Variants in GPR39 observed in about 807,000 individuals in gnomAD.
GPR39 encodes the protein zinc sensing receptor.
A neutral mutation model predicts 18.4 loss-of-function variants in GPR39; 23 were observed. The observed-to-expected ratio is 1.25, with a 90% CI of 0.90 to 1.77. The LOEUF (loss-of-function observed/expected upper bound fraction) is 1.77, where lower values mean the gene tolerates loss of function less well. Ranked by LOEUF, GPR39 falls within the 40% of genes most tolerant of loss-of-function variation. The pLI is 0.00. For missense variants in GPR39, 647 were observed against 602.4 expected, an observed-to-expected ratio of 1.07 and a Z score of -0.78; for synonymous variants, 280 against 257.9, an observed-to-expected ratio of 1.09 and a Z score of -0.82.
intron 1 of GPR39, among the ~76,000 whole-genome samples, chr2:132,635,995 C>G (rs1269721388): frequency 1.3e-5 from 2 of 152,148 alleles, no homozygotes; most frequent in African/African-American, 4.8e-5. Flanking sequence ...GCCTCTGGAA[C>G]TAGGAGGAAT....
chr2:132,451,443 A>G (rs1015674968), intron 1 of GPR39, among the ~76,000 whole-genome samples: 27 of 152,284 alleles, frequency 1.8e-4, no homozygotes, highest in African/African-American at 6.5e-4. Context: ...AGCCATACCC[A>G]GTGCATATTA....
At position 132,645,264 on chromosome 2, in the gene GPR39, C is replaced by T; in HGVS notation, c.1020C>T (p.Asn340=). 1 of 1,614,202 alleles carries T rather than the reference C, an allele frequency of 6.2e-7. No homozygotes were observed. Among genetic ancestry groups the T allele is most frequent in the Non-Finnish European group, 8.5e-7 (1 of 1,180,030 alleles). ...TTTTCTACCTCAGCTCGGTCATCAA[C>T]CCGCTCCTGTACACGGTGTCCTCGC... is the stretch of plus-strand genomic sequence containing the variant. ...ETFFYLSSVI[N]PLLYTVSSQQ... is the part of the protein sequence containing the mutation. The change falls in exon 2 of 2, where the codon AAC becomes AAT. Residue 340 remains asparagine (N), a synonymous_variant. Transcript: ENST00000329321.
chr2:132,607,525 A>G (rs1434640831), intron 1 of GPR39, among the ~76,000 whole-genome samples: 1 of 152,108 alleles, frequency 6.6e-6, no homozygotes, highest in Admixed American at 6.6e-5. Context: ...ATGCTTGTCT[A>G]TAATTTAGAG....
intron 1 of GPR39, among the ~76,000 whole-genome samples, chr2:132,438,674 A>G (rs1352195117): frequency 6.8e-6 from 1 of 146,162 alleles, no homozygotes; most frequent in African/African-American, 2.5e-5. Context: ...AATATTTACT[A>G]TCTGGCCCTT....
chr2:132,473,882 C>A (rs888149611), intron 1 of GPR39, among the ~76,000 whole-genome samples: 1 of 152,184 alleles, frequency 6.6e-6, no homozygotes, highest in Non-Finnish European at 1.5e-5. Context: ...TTTCAGGGGG[C>A]TGCATTTAGC....
At chr2:132,465,356 G>A (rs1367713180) in intron 1 of GPR39, among the ~76,000 whole-genome samples, 1 of 152,176 alleles carries the variant, frequency 6.6e-6, no homozygotes, top group Non-Finnish European at 1.5e-5. Context: ...AGGAACTCTG[G>A]GGCCTGTAAC....
intron 1 of GPR39, among the ~76,000 whole-genome samples, chr2:132,489,458 C>T (rs1681414562): frequency 1.3e-5 from 2 of 152,008 alleles, no homozygotes; most frequent in African/African-American, 2.4e-5. Context: ...GGGTTCCCTG[C>T]GGGCCGCTCC....
chr2:132,582,088 G>A (rs1680633176), intron 1 of GPR39, among the ~76,000 whole-genome samples: 2 of 152,232 alleles, frequency 1.3e-5, no homozygotes, highest in Admixed American at 1.3e-4. Context: ...TGCTGGGGAT[G>A]TGGCCAGCCG....
At chr2:132,548,160 A>G (rs1018644857) in intron 1 of GPR39, among the ~76,000 whole-genome samples, 3 of 152,140 alleles carry the variant, frequency 2.0e-5, no homozygotes, top group African/African-American at 7.2e-5. Flanking sequence ...TCAAGGATGT[A>G]ATAGTCTGGC....
At chr2:132,537,203 G>A (rs763152222) in intron 1 of GPR39, among the ~76,000 whole-genome samples, 8 of 152,186 alleles carry the variant, frequency 5.3e-5, no homozygotes, top group Non-Finnish European at 1.2e-4. Context: ...GCAGTGGCTG[G>A]TACTGGTTTT....
intron 1 of GPR39, among the ~76,000 whole-genome samples, chr2:132,574,987 T>C (rs943032977): frequency 7.2e-5 from 11 of 152,218 alleles, no homozygotes; most frequent in African/African-American, 2.7e-4. Flanking sequence ...TTTTTGTGTA[T>C]ATAGTCAGAA....
intron 1 of GPR39, among the ~76,000 whole-genome samples, chr2:132,599,211 G>A (rs561405186): frequency 5.3e-5 from 8 of 152,282 alleles, no homozygotes; most frequent in African/African-American, 1.4e-4. Flanking sequence ...CCAGCGGGAG[G>A]TTATGGATTT....
intron 1 of GPR39, among the ~76,000 whole-genome samples, chr2:132,485,856 C>G (rs1681327164): frequency 6.6e-6 from 1 of 152,150 alleles, no homozygotes; most frequent in South Asian, 2.1e-4. Flanking sequence ...TTGACCTCCT[C>G]CCATGAATCA....
intron 1 of GPR39, among the ~76,000 whole-genome samples, chr2:132,422,633 G>A (rs1460126683): frequency 6.6e-6 from 1 of 152,000 alleles, no homozygotes; most frequent in Non-Finnish European, 1.5e-5. Flanking sequence ...CTTTTTTAGT[G>A]TAAGATATTA....
At chr2:132,610,777 C>CAAAAAAAAAAAAA (rs34611787) in intron 1 of GPR39, among the ~76,000 whole-genome samples, 6 of 88,724 alleles carry the variant, frequency 6.8e-5, no homozygotes, top group African/African-American at 2.7e-4. Flanking sequence ...ACTCTGTCTC[C>CAAAAAAAAAAAAA]AAAAAAAAAA....
At chr2:132,492,514 C>A (rs1681498400) in intron 1 of GPR39, among the ~76,000 whole-genome samples, 1 of 120,092 alleles carries the variant, frequency 8.3e-6, no homozygotes, top group Non-Finnish European at 1.7e-5. Flanking sequence ...ACCATATATA[C>A]CATATATATA....
intron 1 of GPR39, among the ~76,000 whole-genome samples, chr2:132,449,902 A>G (rs1680603590): frequency 6.6e-6 from 1 of 151,872 alleles, no homozygotes; most frequent in African/African-American, 2.4e-5. Flanking sequence ...CATCTCCTAC[A>G]CCTTCTAGCA....
chr2:132,603,373 T>A (rs1312444380), intron 1 of GPR39, among the ~76,000 whole-genome samples: 1 of 152,106 alleles, frequency 6.6e-6, no homozygotes, highest in East Asian at 1.9e-4. Flanking sequence ...AAGAGTCTGA[T>A]AAGGGGAGGA....
chr2:132,583,123 G>A (rs1573680674), intron 1 of GPR39, among the ~76,000 whole-genome samples: 1 of 151,764 alleles, frequency 6.6e-6, no homozygotes. Context: ...ATGTTGCCCA[G>A]GCTGGTCTCA....
Sources: gnomAD v4.1 joint callset for allele counts (sites outside exome capture counted in the v4.1 genomes callset) on GRCh38, gnomAD v4.1.1 for gene constraint, MANE v1.5 for transcripts, NCBI Gene and HGNC (gene_info 2026-07-23, HGNC 2026-07-21) for gene names.